Variants in WDPCP observed in about 807,000 individuals in gnomAD.
The protein encoded by WDPCP is WD repeat containing planar cell polarity effector.
WDPCP carries 71 observed loss-of-function variants against 93.1 expected under a neutral mutation model. The observed-to-expected ratio is 0.76, with a 90% confidence interval of 0.63 to 0.93. The LOEUF is 0.93. WDPCP is among the 40% of genes least tolerant of loss of function. The pLI, the probability that WDPCP is intolerant of heterozygous loss-of-function variation, is 0.00. For missense variants in WDPCP, 844 were observed against 887.4 expected (o/e 0.95, Z 0.62); for synonymous variants, 315 against 315.0 (o/e 1.00, Z 0.00).
chr2:63,152,815 G>C (rs1671974325), intron 17 of WDPCP, 99 bp downstream of exon 17: 1 of 1,126,834 alleles, frequency 8.9e-7, no homozygotes, highest in African/African-American at 1.5e-5. Flanking sequence ...AGTTAATGTA[G>C]ACCAATAGAT....
chr2:63,740,315 A>G (rs909582436), intron 2 of WDPCP, among the ~76,000 whole-genome samples: 1 of 152,138 alleles, frequency 6.6e-6, no homozygotes, highest in African/African-American at 2.4e-5. Context: ...ATGTGTATCA[A>G]AGTTCCAGTT....
intron 2 of WDPCP, among the ~76,000 whole-genome samples, chr2:63,777,781 A>C (rs1308824746): frequency 6.6e-6 from 1 of 152,206 alleles, no homozygotes; most frequent in Admixed American, 6.5e-5. Flanking sequence ...AAAGAGTGAA[A>C]GGGAAGAATC....
At chr2:63,570,744 T>C (rs946091874) in intron 1 of WDPCP, among the ~76,000 whole-genome samples, 1 of 152,254 alleles carries the variant, frequency 6.6e-6, no homozygotes, top group African/African-American at 2.4e-5. Flanking sequence ...TTTATTCATA[T>C]ATTGTATTTT....
intron 2 of WDPCP, among the ~76,000 whole-genome samples, chr2:63,807,217 G>A (rs558804883): frequency 3.9e-5 from 6 of 152,186 alleles, no homozygotes; most frequent in South Asian, 2.1e-4. Flanking sequence ...CTGACTTCCC[G>A]CAACAGTAAT....
intron 3 of WDPCP, among the ~76,000 whole-genome samples, chr2:63,647,240 C>T (rs574702314): frequency 4.8e-4 from 73 of 152,190 alleles, no homozygotes; most frequent in Admixed American, 4.0e-3. Context: ...TGGGTTCAAA[C>T]GATTCTCTGG....
chr2:63,152,912 A>G lies in WDPCP; in HGVS notation c.2190+2T>C. On this transcript the variant is annotated splice_donor_variant, in intron 17 of 17. Coordinates refer to ENST00000272321, the MANE Select transcript of WDPCP (RefSeq NM_015910.7). LOFTEE classifies it high-confidence loss of function. ...TAGTAATAAACAGAGAAAGTGTTTT[A>G]CCTGTTCTCTGCCGTCTTCTCTCAG... is the stretch of plus-strand genomic sequence containing the variant. 1 of 1,611,200 alleles carries G rather than the reference A, an allele frequency of 6.2e-7. No homozygotes were observed. The highest frequency in any genetic ancestry group is 1.1e-5 in the South Asian group (1 of 90,974).
chr2:63,381,866 A>T (rs768877891), intron 11 of WDPCP, 40 bp downstream of exon 11: 15 of 1,600,616 alleles, frequency 9.4e-6, no homozygotes, highest in Non-Finnish European at 1.3e-5. Context: ...TATTTCATGT[A>T]TATACAAAAC....
intron 13 of WDPCP, among the ~76,000 whole-genome samples, chr2:63,283,888 G>C (rs1683767283): frequency 6.6e-6 from 1 of 152,134 alleles, no homozygotes; most frequent in Non-Finnish European, 1.5e-5. Flanking sequence ...GAGTAACTTA[G>C]AGAACAATGA....
chr2:63,740,278 G>C (rs1669694658), intron 2 of WDPCP, among the ~76,000 whole-genome samples: 1 of 152,084 alleles, frequency 6.6e-6, no homozygotes, highest in South Asian at 2.1e-4. Context: ...TTTCCAAAGT[G>C]ATTGTGCCAA....
At chr2:63,594,839 T>C in intron 3 of WDPCP, 1 of 357,114 alleles carries the variant, frequency 2.8e-6, no homozygotes, top group South Asian at 3.3e-5. Flanking sequence ...CAGGTGTCAG[T>C]CAATGGGAGA....
intron 2 of WDPCP, among the ~76,000 whole-genome samples, chr2:63,695,260 TTAGTATTTCCTTC>T (rs1230874802): frequency 2.0e-5 from 3 of 152,206 alleles, no homozygotes; most frequent in African/African-American, 7.2e-5. Flanking sequence ...TTTACAGATT[TTAGTATTTCCTTC>T]CAAGACTACA....
At chr2:63,436,503 A>G (rs941103892) in intron 8 of WDPCP, among the ~76,000 whole-genome samples, 6 of 152,112 alleles carry the variant, frequency 3.9e-5, no homozygotes, top group African/African-American at 1.4e-4. Flanking sequence ...GTTAAATACT[A>G]CTTTGCCAAA....
chr2:63,417,340 C>CTGTAGT (rs1379784478), intron 9 of WDPCP, among the ~76,000 whole-genome samples: 1 of 152,012 alleles, frequency 6.6e-6, no homozygotes, highest in Non-Finnish European at 1.5e-5. Flanking sequence ...AAATTTAACC[C>CTGTAGT]TGTAGTTGGC....
Position 63,588,447 on chromosome 2 carries a change from C to G in WDPCP, c.-176G>C, listed in dbSNP as rs151273399. On this transcript the variant is annotated 5_prime_UTR_variant, in exon 1 of 18. Transcript: ENST00000272321. ...CGCTCCCGCCTCGTCGCTTAGCAAC[C>G]TGAGAAGCTGTCCGGTCGTCCCAAC... 3.4e-4 allele frequency: 246 copies of G among 722,692 alleles called. 3 individuals carry two copies. In the East Asian group the frequency reaches 4.7e-3, roughly 14 times the overall value. The allele number at this position is 722,692 out of a possible 1,614,324, so 44.8% of individuals were successfully genotyped here.
At chr2:63,708,812 G>A (rs144962657) in intron 2 of WDPCP, among the ~76,000 whole-genome samples, 27,567 of 151,550 alleles carry the variant, frequency 0.18, 2,732 homozygotes, top group Middle Eastern at 0.27. Context: ...GGGTTTCATC[G>A]TGTTAGCCAG....
intron 17 of WDPCP, among the ~76,000 whole-genome samples, chr2:63,142,621 G>A (rs1671157821): frequency 6.6e-6 from 1 of 152,048 alleles, no homozygotes; most frequent in Non-Finnish European, 1.5e-5. Flanking sequence ...GAAATGTTCT[G>A]TTTATATATG....
the WDPCP span, among the ~76,000 whole-genome samples, chr2:63,835,573 G>A: frequency 1.3e-5 from 2 of 151,204 alleles, no homozygotes; most frequent in South Asian, 2.1e-4. Flanking sequence ...GGTTTTTGGA[G>A]TCAGATAGCT....
At chr2:63,386,681 T>G (rs1422936884) in intron 10 of WDPCP, among the ~76,000 whole-genome samples, 1 of 151,996 alleles carries the variant, frequency 6.6e-6, no homozygotes, top group Non-Finnish European at 1.5e-5. Flanking sequence ...AACTTGTAGG[T>G]TTTTGACAAG....
chr2:63,280,523 C>G (rs183654423), intron 13 of WDPCP, among the ~76,000 whole-genome samples: 58 of 152,248 alleles, frequency 3.8e-4, no homozygotes, highest in Admixed American at 3.8e-3. Context: ...AGAGCCAAAG[C>G]AAGACAAAGC....
Sources: allele counts gnomAD v4.1 joint callset (sites outside exome capture counted in the v4.1 genomes callset), GRCh38; gene constraint gnomAD v4.1.1; transcripts MANE v1.5; gene names NCBI Gene and HGNC (gene_info 2026-07-23, HGNC 2026-07-21).